TAF1: variants seen among roughly 807,000 people sequenced by gnomAD.
TAF1 encodes TATA-box binding protein associated factor 1.
In TAF1, 2 loss-of-function variants were observed where a neutral mutation model predicts 138.5. The observed-to-expected ratio is 0.01, with a 90% CI of 0.01 to 0.05. TAF1 has a LOEUF of 0.05. Ranked by LOEUF, TAF1 falls within the 10% of genes least tolerant of loss-of-function variation. The probability of loss-of-function intolerance (pLI) is 1.00; values close to 1 mark genes in which losing one functional copy is unlikely to be tolerated. For missense variants in TAF1, 709 were observed against 1,478.0 expected (o/e 0.48, Z 8.53); for synonymous variants, 437 against 503.2 (o/e 0.87, Z 1.76).
intron 32 of TAF1, among the ~76,000 whole-genome samples, chrX:71,426,215 A>T (rs1008202967): frequency 4.5e-5 from 5 of 111,502 alleles, no homozygotes; most frequent in Non-Finnish European, 7.5e-5. Flanking sequence ...CTGGAACTCC[A>T]GGGCTCAAGC....
intron 24 of TAF1, 24 bp downstream of exon 24, chrX:71,398,761 C>T: frequency 8.5e-7 from 1 of 1,170,535 alleles, no homozygotes; most frequent in Non-Finnish European, 1.1e-6. Context: ...GGTGTGATTA[C>T]AGCTAACGGA....
At position 71,366,391 on chromosome X, in the gene TAF1, G is replaced by C. The variant is rs1471223306; in HGVS notation, c.17G>C (p.Ser6Thr). The C allele has an allele frequency of 5.8e-6, 7 of 1,207,717 alleles. No individual in the cohort carries two copies. In the Admixed American group the frequency reaches 1.5e-4, roughly 27 times the overall value. Residue 6 changes from serine (S) to threonine (T), a missense_variant, in exon 1 of 38, where the codon AGC becomes ACC. Transcript: ENST00000423759. MSDTD[S>T]DEDSAGGGPF... ...GCCGCCATCATGTCAGACACGGACA[G>C]CGACGAAGATTCCGCTGGAGGCGGC...
At chrX:71,372,110 G>A (rs2033100997) in intron 3 of TAF1, among the ~76,000 whole-genome samples, 1 of 110,766 alleles carries the variant, frequency 9.0e-6, no homozygotes, top group Non-Finnish European at 1.9e-5. Flanking sequence ...ATTAAGGTCC[G>A]AAGTAGGGTG....
rs766246603 is a variant in TAF1, at chrX:71,379,008, C to T, written c.1337C>T (p.Ala446Val). The change falls in exon 8 of 38, where the codon GCG (alanine) becomes GTG (valine). Residue 446 changes from alanine to valine, a missense_variant. Coordinates refer to ENST00000423759, the MANE Select transcript of TAF1 (RefSeq NM_004606.5). ...GWLPSSMTRNAMAYNVQQGFA... is the reference protein window; with the variant it reads ...GWLPSSMTRNVMAYNVQQGFA... ...CTTCCTTCTAGCATGACTAGGAATG[C>T]GATGGCTTACAATGTTCAGCAAGGT... 1 of 1,209,377 alleles carries T rather than the reference C, an allele frequency of 8.3e-7. No homozygotes were observed. The highest frequency in any genetic ancestry group is 1.1e-6 in the Non-Finnish European group (1 of 894,820).
At chrX:71,454,033 A>G in intron 32 of TAF1, 137 bp from the exon 33 acceptor site, 1 of 487,129 alleles carries the variant, frequency 2.1e-6, no homozygotes, top group Non-Finnish European at 3.5e-6. Flanking sequence ...TGCCTCTGAA[A>G]GTAGAACAAG....
At chrX:71,485,109 C>A (rs752935357) in intron 13 of TAF1, 1 of 112,169 alleles carries the variant, frequency 8.9e-6, no homozygotes, top group South Asian at 3.7e-4. Context: ...TTGTGAGAAA[C>A]CCTGAACTGT....
At chrX:71,492,501 G>A in intron 13 of TAF1, 1 of 124,889 alleles carries the variant, frequency 8.0e-6, no homozygotes. Context: ...GCCTGTCCGG[G>A]CCGACCTTGC....
intron 32 of TAF1, among the ~76,000 whole-genome samples, chrX:71,448,580 A>G (rs1386276158): frequency 8.9e-6 from 1 of 111,901 alleles, no homozygotes; most frequent in African/African-American, 3.2e-5. Context: ...GTGGTTTGCC[A>G]GTTCCACCAG....
intron 35 of TAF1, chrX:71,459,244 C>T (rs1341629579): frequency 8.8e-7 from 1 of 1,130,660 alleles, no homozygotes; most frequent in South Asian, 1.8e-5. Flanking sequence ...CCTAAGACTC[C>T]AGCCCCAGTG....
At chrX:71,430,618 A>G (rs1326445610) in intron 32 of TAF1, among the ~76,000 whole-genome samples, 3 of 111,706 alleles carry the variant, frequency 2.7e-5, no homozygotes, top group African/African-American at 9.8e-5. Context: ...GTGGGGGCCA[A>G]TGAACTGGTG....
chrX:71,473,244 T>C (rs983501704), intron 13 of TAF1, among the ~76,000 whole-genome samples: 2 of 110,661 alleles, frequency 1.8e-5, no homozygotes, highest in Non-Finnish European at 3.8e-5. Flanking sequence ...CTTTGCAGGG[T>C]ATAGGCAGGT....
chrX:71,529,077 T>C (rs1395885125), intron 14 of TAF1, among the ~76,000 whole-genome samples: 1 of 105,005 alleles, frequency 9.5e-6, no homozygotes, highest in Non-Finnish European at 2.0e-5. Flanking sequence ...GTTTTGTTTT[T>C]GTTTTTTTTT....
intron 21 of TAF1, 62 bp downstream of exon 21, chrX:71,393,538 T>G: frequency 8.9e-7 from 1 of 1,128,390 alleles, no homozygotes; most frequent in African/African-American, 1.8e-5. Context: ...CCAGGCACTA[T>G]TTCATAATAA....
chrX:71,517,143 C>T (rs1449168368), intron 13 of TAF1, among the ~76,000 whole-genome samples: 1 of 110,675 alleles, frequency 9.0e-6, no homozygotes, highest in African/African-American at 3.3e-5. Flanking sequence ...GAGGAGGCCA[C>T]ATCACCAGAA....
At position 71,375,147 on chromosome X, in the gene TAF1, C is replaced by T; in HGVS notation, c.353-20C>T. 1 of 1,202,439 alleles carries T rather than the reference C, an allele frequency of 8.3e-7. No homozygotes were observed. The highest frequency in any genetic ancestry group is 1.1e-6 in the Non-Finnish European group (1 of 891,947). On this transcript the variant is annotated intron_variant, in intron 3 of 37. Coordinates refer to ENST00000423759, the MANE Select transcript of TAF1 (RefSeq NM_004606.5). ...ATAATATTTTGGATATTGAGGAGAT[C>T]ACCTTCTTGGTTTTATTAGATTATG...
At chrX:71,423,903 C>T (rs1194221760) in intron 30 of TAF1, 71 bp from the exon 31 acceptor site, 20 of 844,960 alleles carry the variant, frequency 2.4e-5, no homozygotes, top group Non-Finnish European at 3.0e-5. Flanking sequence ...TATTTGTAAC[C>T]CAACAAAGGT....
chrX:71,470,672 C>G (rs2038866747), downstream of TAF1, among the ~76,000 whole-genome samples: 1 of 106,835 alleles, frequency 9.4e-6, no homozygotes, highest in Non-Finnish European at 1.9e-5. Context: ...CCACTGTGCC[C>G]AAGCCCTTCC....
chrX:71,517,234 A>G (rs999589560), intron 13 of TAF1, among the ~76,000 whole-genome samples: 3 of 111,579 alleles, frequency 2.7e-5, no homozygotes, highest in Non-Finnish European at 3.8e-5. Context: ...AATGGATAGA[A>G]AAATATAGTT....
intron 13 of TAF1, among the ~76,000 whole-genome samples, chrX:71,501,062 C>CA (rs35676863): frequency 1.2e-3 from 86 of 74,275 alleles, no homozygotes; most frequent in Non-Finnish European, 1.7e-3. Flanking sequence ...AGACTTCTCT[C>CA]AAAAAAAAAA....
Sources: gnomAD v4.1 joint callset for allele counts (sites outside exome capture counted in the v4.1 genomes callset) on GRCh38, gnomAD v4.1.1 for gene constraint, MANE v1.5 for transcripts, NCBI Gene and HGNC (gene_info 2026-07-23, HGNC 2026-07-21) for gene names.